Variants in PRDM16 observed in about 807,000 individuals in gnomAD.
PRDM16 encodes the protein PR/SET domain 16, also known as histone-lysine N-methyltransferase PRDM16.
PRDM16 carries 23 observed loss-of-function variants against 110.6 expected under a neutral mutation model. The observed-to-expected ratio is 0.21, with a 90% CI of 0.15 to 0.29. PRDM16 has a LOEUF of 0.29. Among genes scored for constraint, PRDM16 ranks in the 10% least tolerant of loss-of-function variants. The pLI is 1.00. For synonymous variants in PRDM16, 799 were observed against 781.8 expected, an observed-to-expected ratio of 1.02 and a Z score of -0.37; for missense variants, 1,615 against 1,794.3, an observed-to-expected ratio of 0.90 and a Z score of 1.81.
intron 8 of PRDM16, among the ~76,000 whole-genome samples, chr1:3,410,061 T>C (rs1195436396): frequency 3.5e-5 from 5 of 144,092 alleles, no homozygotes; most frequent in Non-Finnish European, 7.6e-5. Flanking sequence ...ATGTGGTGTG[T>C]GGTTGTGTAT....
chr1:3,215,824 G>A (rs939608339), intron 2 of PRDM16, among the ~76,000 whole-genome samples: 10 of 152,160 alleles, frequency 6.6e-5, no homozygotes, highest in Admixed American at 3.9e-4. Context: ...ATGTCAAGGC[G>A]CGGCGTCGGC....
intron 2 of PRDM16, among the ~76,000 whole-genome samples, chr1:3,188,002 GAC>G (rs1644291539): frequency 6.6e-6 from 1 of 152,206 alleles, no homozygotes; most frequent in Non-Finnish European, 1.5e-5. Flanking sequence ...CTTCGGGAGA[GAC>G]TGGCCAGGGC....
At chr1:3,180,182 T>C (rs1054415566) in intron 1 of PRDM16, among the ~76,000 whole-genome samples, 1 of 151,774 alleles carries the variant, frequency 6.6e-6, no homozygotes, top group South Asian at 2.1e-4. Flanking sequence ...TTTTTTGTTT[T>C]TGTTTGTTTG....
chr1:3,244,174 G>A lies in PRDM16; in HGVS notation c.438+37G>A. On this transcript the variant is annotated intron_variant, in intron 3 of 16. Coordinates refer to ENST00000270722, the MANE Select transcript of PRDM16 (RefSeq NM_022114.4). The surrounding 1 kb of genome is among the most constrained non-coding windows in gnomAD (Gnocchi z 4.1). ...CGCCCTGCGCCGTCTCAGCTCCCCA[G>A]CGTCCTCGGAGCTCCTGGCGGGGCG... 1 of 1,607,334 alleles carries A rather than the reference G, an allele frequency of 6.2e-7. No homozygotes were observed. Among genetic ancestry groups the A allele is most frequent in the Middle Eastern group, 1.7e-4 (1 of 6,034 alleles).
At chr1:3,177,535 C>T (rs1569768158) in intron 1 of PRDM16, among the ~76,000 whole-genome samples, 1 of 152,336 alleles carries the variant, frequency 6.6e-6, no homozygotes, top group East Asian at 1.9e-4. Flanking sequence ...CACCTTCCCT[C>T]CAGGGCTGCT....
In PRDM16 at chr1:3,213,094, G is replaced by A. The variant is rs530008993; in HGVS notation, c.387+26620G>A. On this transcript the variant is annotated intron_variant, in intron 2 of 16. Transcript: ENST00000270722. This position sits in a 1 kb window ranked among gnomAD's most constrained non-coding sequence, Gnocchi z 5.3. ...CGCTTCCCCGGGAGGCCGAGCTCAGGAAGACGCGGCAAATCCCATCCTATG... is the reference window on the plus strand; with the variant it reads ...CGCTTCCCCGGGAGGCCGAGCTCAGAAAGACGCGGCAAATCCCATCCTATG... Among the ~76,000 whole-genome samples the A allele has an allele frequency of 3.3e-5, 5 of 152,302 alleles. No homozygotes were observed. The highest frequency in any genetic ancestry group is 7.3e-5 in the Non-Finnish European group (5 of 68,032).
At chr1:3,432,616 C>T (rs578031277) in intron 16 of PRDM16, among the ~76,000 whole-genome samples, 31 of 152,336 alleles carry the variant, frequency 2.0e-4, no homozygotes, top group African/African-American at 6.5e-4. Context: ...CGGCTTCTCT[C>T]CTCAGGGTAG....
At chr1:3,394,472 GGGGTGGGGTGGAGAGGGAGGTGGT>G in intron 4 of PRDM16, 1 of 450,290 alleles carries the variant, frequency 2.2e-6, no homozygotes, top group Non-Finnish European at 4.4e-6. Flanking sequence ...ACCCTCGACG[GGGGTGGGGTGGAGAGGGAGGTGGT>G]GGGTGGGGTG....
intron 1 of PRDM16, among the ~76,000 whole-genome samples, chr1:3,147,107 C>T (rs778398189): frequency 1.3e-4 from 17 of 130,072 alleles, no homozygotes; most frequent in South Asian, 7.4e-4. Context: ...GGTGTGTGTA[C>T]GCGTGTGCTC....
chr1:3,126,019 C>T (rs754645176), intron 1 of PRDM16, among the ~76,000 whole-genome samples: 12 of 152,344 alleles, frequency 7.9e-5, no homozygotes, highest in Non-Finnish European at 1.6e-4. Context: ...GTAGAGAGCC[C>T]GGGCAGTTAT....
intron 2 of PRDM16, among the ~76,000 whole-genome samples, chr1:3,196,414 T>G (rs1404617892): frequency 1.3e-5 from 2 of 152,248 alleles, no homozygotes; most frequent in African/African-American, 4.8e-5. Context: ...CCACTTTTTC[T>G]CAGAAGCTGC....
chr1:3,421,628 C>A (rs1638433125), intron 12 of PRDM16, among the ~76,000 whole-genome samples: 1 of 152,220 alleles, frequency 6.6e-6, no homozygotes, highest in Non-Finnish European at 1.5e-5. Context: ...CTCTCTGCAA[C>A]CAAATTGAAC....
rs368055008 is a variant in PRDM16, at chr1:3,279,616, C to T, written c.438+35479C>T. On this transcript the variant is annotated intron_variant, in intron 3 of 16. Coordinates refer to ENST00000270722, the MANE Select transcript of PRDM16 (RefSeq NM_022114.4). Reference sequence around the variant, plus strand: ...GGCTCTGAGGAAGGTGCCGGCCCCTCTCCAGACTCCTGTGCCACAGGCTGA... The same window carrying T: ...GGCTCTGAGGAAGGTGCCGGCCCCTTTCCAGACTCCTGTGCCACAGGCTGA... Among the ~76,000 whole-genome samples, 10 of 152,374 alleles carry T rather than the reference C, an allele frequency of 6.6e-5. No homozygotes were observed. The East Asian group carries it at 1.7e-3, about 26-fold the overall frequency.
At chr1:3,326,769 C>G (rs1641920984) in intron 3 of PRDM16, among the ~76,000 whole-genome samples, 2 of 152,230 alleles carry the variant, frequency 1.3e-5, no homozygotes, top group African/African-American at 4.8e-5. Context: ...GTTCTGGCTC[C>G]CAAGCCCCCC....
rs35439737 is a variant in PRDM16 at position 3,436,199 on chromosome 1, CT to C, written c.*2400del. On this transcript the variant is annotated 3_prime_UTR_variant, in exon 17 of 17. Coordinates refer to ENST00000270722, the MANE Select transcript of PRDM16 (RefSeq NM_022114.4). ...CTTCTGCGAAAGAGTAAGGTGTGTG[CT>C]TTTTTTTTTTTGCAATATGACCCCG... 0.82 allele frequency: 170,780 copies of C among 208,356 alleles called. 67,967 individuals are homozygous for C. The highest frequency in any genetic ancestry group is 0.93 in the African/African-American group (39,862 of 43,030). 12.9% of individuals were successfully genotyped at this position (208,356 alleles called of 1,614,324 possible).
At position 3,243,098 on chromosome 1, in the gene PRDM16, G is replaced by A. The variant is rs144092866; in HGVS notation, c.388-989G>A. On this transcript the variant is annotated intron_variant, in intron 2 of 16. Transcript: ENST00000270722. This position sits in a 1 kb window ranked among gnomAD's most constrained non-coding sequence, Gnocchi z 5.5. Reference sequence around the variant, plus strand: ...GAACGTTCCGGCTGGAGCGACCTGGGAGGAAGAACGAGCCGACTGCTGGCC... The same window carrying A: ...GAACGTTCCGGCTGGAGCGACCTGGAAGGAAGAACGAGCCGACTGCTGGCC... 1.3e-5 allele frequency among the ~76,000 whole-genome samples: 2 copies of A among 152,304 alleles called. No homozygotes were observed. Among genetic ancestry groups the A allele is most frequent in the East Asian group, 3.9e-4 (2 of 5,168 alleles).
intron 3 of PRDM16, among the ~76,000 whole-genome samples, chr1:3,247,873 C>T (rs1291008139): frequency 6.6e-6 from 1 of 152,250 alleles, no homozygotes; most frequent in Non-Finnish European, 1.5e-5. Flanking sequence ...GGACCGCTCC[C>T]TCCAGCGGAC....
chr1:3,385,489 A>T (rs1643180205), intron 4 of PRDM16, among the ~76,000 whole-genome samples: 1 of 152,150 alleles, frequency 6.6e-6, no homozygotes. Flanking sequence ...GGAGGGCTCC[A>T]TTGGAGCCTT....
chr1:3,211,175 C>T (rs1638874498), intron 2 of PRDM16, among the ~76,000 whole-genome samples: 1 of 152,232 alleles, frequency 6.6e-6, no homozygotes, highest in South Asian at 2.1e-4. Context: ...TCTGTCTCTG[C>T]ACTCATGGAC....
Sources: allele counts gnomAD v4.1 joint callset (sites outside exome capture counted in the v4.1 genomes callset), GRCh38; gene constraint gnomAD v4.1.1; non-coding constraint Gnocchi (gnomAD v3.1); transcripts MANE v1.5; gene names NCBI Gene and HGNC (gene_info 2026-07-23, HGNC 2026-07-21).